CFAP299: variants seen among roughly 807,000 people sequenced by gnomAD.
The protein encoded by CFAP299 is cilia and flagella associated protein 299, also known as cilia- and flagella-associated protein 299.
In CFAP299, 21 loss-of-function variants were observed where a neutral mutation model predicts 27.0. The observed-to-expected ratio is 0.78, with a 90% confidence interval of 0.55 to 1.12. The LOEUF is 1.12. Ranked by LOEUF, CFAP299 falls within the 50% of genes most tolerant of loss-of-function variation. CFAP299 has a pLI of 0.00. For missense variants in CFAP299, 310 were observed against 276.6 expected, an observed-to-expected ratio of 1.12 and a Z score of -0.86; for synonymous variants, 104 against 98.1, an observed-to-expected ratio of 1.06 and a Z score of -0.36.
chr4:80,539,421 T>C (rs1733897529), intron 2 of CFAP299, among the ~76,000 whole-genome samples: 1 of 152,106 alleles, frequency 6.6e-6, no homozygotes, highest in Admixed American at 6.5e-5. Context: ...AGAGCATTTA[T>C]TGTGTTTTTC....
chr4:80,503,470 T>A (rs1400288003), intron 2 of CFAP299, among the ~76,000 whole-genome samples: 1 of 152,126 alleles, frequency 6.6e-6, no homozygotes, highest in Non-Finnish European at 1.5e-5. Flanking sequence ...TGAGGCTGTA[T>A]AATGTTCTTA....
At chr4:80,905,228 A>G (rs1735122670) in intron 4 of CFAP299, among the ~76,000 whole-genome samples, 1 of 152,208 alleles carries the variant, frequency 6.6e-6, no homozygotes. Context: ...TTACAGTCAA[A>G]TATTATCATT....
intron 4 of CFAP299, among the ~76,000 whole-genome samples, chr4:80,874,361 A>T (rs1215580588): frequency 6.6e-6 from 1 of 152,218 alleles, no homozygotes; most frequent in Non-Finnish European, 1.5e-5. Flanking sequence ...CCATGAACCC[A>T]CAGTGAAGCA....
chr4:80,327,761 A>G, the CFAP299 span, among the ~76,000 whole-genome samples: 4 of 45,230 alleles, frequency 8.8e-5, no homozygotes, highest in Non-Finnish European at 2.8e-4. Flanking sequence ...TGAGAAAGCT[A>G]AACTAGCTGG....
intron 2 of CFAP299, among the ~76,000 whole-genome samples, chr4:80,416,807 G>T (rs1727032848): frequency 6.6e-6 from 1 of 152,156 alleles, no homozygotes; most frequent in Non-Finnish European, 1.5e-5. Flanking sequence ...GGAGGTATGG[G>T]GCAGGAGTCT....
chr4:80,726,578 A>G (rs552862220), intron 3 of CFAP299, among the ~76,000 whole-genome samples: 1 of 152,068 alleles, frequency 6.6e-6, no homozygotes, highest in South Asian at 2.1e-4. Flanking sequence ...AGAAGAGATG[A>G]ACTTTTTTTT....
chr4:80,512,221 A>T (rs1280339006), intron 2 of CFAP299, among the ~76,000 whole-genome samples: 1 of 148,494 alleles, frequency 6.7e-6, no homozygotes, highest in African/African-American at 2.5e-5. Context: ...CATATTACAT[A>T]GTGTGTGTGT....
intron 3 of CFAP299, among the ~76,000 whole-genome samples, chr4:80,868,941 G>C (rs1160250799): frequency 1.3e-5 from 2 of 151,376 alleles, no homozygotes; most frequent in Non-Finnish European, 2.9e-5. Flanking sequence ...GTGTGTGTGT[G>C]TGTGTGTCCC....
intron 3 of CFAP299, among the ~76,000 whole-genome samples, chr4:80,690,138 A>G (rs1720557369): frequency 6.9e-6 from 1 of 144,266 alleles, no homozygotes; most frequent in African/African-American, 2.9e-5. Context: ...GATCAACGAG[A>G]CAGAAAATCA....
intron 1 of CFAP299, among the ~76,000 whole-genome samples, chr4:80,344,917 A>G (rs1460489250): frequency 2.0e-5 from 3 of 152,234 alleles, no homozygotes; most frequent in South Asian, 4.1e-4. Context: ...TAGATGCAGA[A>G]AAGACCTTCA....
chr4:80,608,525 T>G, intron 3 of CFAP299: 3 of 526,398 alleles, frequency 5.7e-6, no homozygotes, highest in Non-Finnish European at 1.0e-5. Context: ...TCACAAGTAG[T>G]GCTTTTATTG....
At chr4:80,643,757 G>A (rs1739844629) in intron 3 of CFAP299, among the ~76,000 whole-genome samples, 1 of 152,102 alleles carries the variant, frequency 6.6e-6, no homozygotes, top group African/African-American at 2.4e-5. Context: ...CTTCACTCCA[G>A]GGAAGTAAGA....
intron 3 of CFAP299, among the ~76,000 whole-genome samples, chr4:80,700,376 C>T (rs1485897676): frequency 6.6e-6 from 1 of 152,016 alleles, no homozygotes; most frequent in African/African-American, 2.4e-5. Context: ...GCTGGTTGTA[C>T]TTTGTAATTA....
intron 2 of CFAP299, among the ~76,000 whole-genome samples, chr4:80,581,980 A>G (rs187058756): frequency 6.6e-6 from 1 of 151,964 alleles, no homozygotes; most frequent in East Asian, 1.9e-4. Flanking sequence ...ATTTATAACA[A>G]TATGTTTATT....
chr4:80,680,343 G>T (rs1719761308), intron 3 of CFAP299, among the ~76,000 whole-genome samples: 2 of 151,954 alleles, frequency 1.3e-5, no homozygotes, highest in South Asian at 4.1e-4. Flanking sequence ...TATACTTCTA[G>T]CGTAAATCTC....
At chr4:80,490,928 G>A (rs1282791679) in intron 2 of CFAP299, among the ~76,000 whole-genome samples, 1 of 150,476 alleles carries the variant, frequency 6.6e-6, no homozygotes, top group Non-Finnish European at 1.5e-5. Flanking sequence ...ACAGGATTAT[G>A]TGTGTGTGTG....
rs555105389 is a variant in CFAP299, at chr4:80,343,765, C to T, written c.111+7886C>T. Among the ~76,000 whole-genome samples, 171 of 130,176 alleles carry T rather than the reference C, an allele frequency of 1.3e-3. 1 individual carries two copies. Among genetic ancestry groups the T allele is most frequent in the African/African-American group, 4.6e-3 (161 of 34,656 alleles). The allele number at this position is 130,176 out of a possible 152,430, so 85.4% of individuals were successfully genotyped here. A position where few individuals can be genotyped will look rare whatever the true frequency, so the allele number is the denominator to read the frequency against. On this transcript the variant is annotated intron_variant, in intron 1 of 5. Coordinates refer to ENST00000358105, the MANE Select transcript of CFAP299 (RefSeq NM_152770.3). ...GATTGCGCCACTGCAGTCCGCAGTC[C>T]GGTCCGGCCTGGGCGACAGAGCGAG...
intron 2 of CFAP299, among the ~76,000 whole-genome samples, chr4:80,563,527 T>A (rs1324488399): frequency 2.0e-5 from 3 of 151,896 alleles, no homozygotes; most frequent in Non-Finnish European, 4.4e-5. Context: ...CATATCAAAA[T>A]CTATGGGATA....
intron 3 of CFAP299, among the ~76,000 whole-genome samples, chr4:80,770,436 G>A (rs1465265728): frequency 6.6e-6 from 1 of 151,908 alleles, no homozygotes; most frequent in Non-Finnish European, 1.5e-5. Flanking sequence ...TGAAAGCTGT[G>A]TTTTCTACAT....
Sources: gnomAD v4.1 joint callset for allele counts (sites outside exome capture counted in the v4.1 genomes callset) on GRCh38, gnomAD v4.1.1 for gene constraint, MANE v1.5 for transcripts, NCBI Gene and HGNC (gene_info 2026-07-23, HGNC 2026-07-21) for gene names.